Variants in ELMO1 observed in about 807,000 individuals in gnomAD.
ELMO1 encodes engulfment and cell motility protein 1.
Under a neutral mutation model 98.9 loss-of-function variants are expected in ELMO1, and 26 were observed. That is an observed-to-expected ratio of 0.26 (90% CI 0.19 to 0.36). ELMO1 has a LOEUF of 0.36. Among genes scored for constraint, ELMO1 ranks in the 10% least tolerant of loss-of-function variants. The pLI is 1.00. For synonymous variants in ELMO1, 346 were observed against 346.0 expected, an observed-to-expected ratio of 1.00 and a Z score of 0.00; for missense variants, 627 against 935.2, an observed-to-expected ratio of 0.67 and a Z score of 4.30.
intron 1 of ELMO1, among the ~76,000 whole-genome samples, chr7:37,354,585 A>G (rs1195604852): frequency 6.6e-6 from 1 of 152,120 alleles, no homozygotes; most frequent in Non-Finnish European, 1.5e-5. Context: ...AAAGTTCATC[A>G]TTTTGCAAAC....
chr7:37,201,880 G>C (rs1792318732), intron 13 of ELMO1, among the ~76,000 whole-genome samples: 1 of 152,232 alleles, frequency 6.6e-6, no homozygotes, highest in Non-Finnish European at 1.5e-5. Flanking sequence ...GGAAAAGAGA[G>C]AGTCCGGTCT....
chr7:37,198,174 C>G (rs1465806182), intron 13 of ELMO1, among the ~76,000 whole-genome samples: 2 of 152,164 alleles, frequency 1.3e-5, no homozygotes, highest in Admixed American at 1.3e-4. Flanking sequence ...TATAAAAGTC[C>G]TGCACTGCTA....
chr7:37,222,596 C>T lies in ELMO1; in HGVS notation c.780+19G>A, dbSNP rs1261625660. On this transcript the variant is annotated intron_variant, in intron 10 of 21. Coordinates refer to ENST00000310758, the MANE Select transcript of ELMO1 (RefSeq NM_014800.11). ...TCCTAGCCTTGACATAGCCATAAGA[C>T]TAAAGAAATGCAACTTACCTGCCTC... The T allele has an allele frequency of 6.2e-7, 1 of 1,612,650 alleles. No individual in the cohort carries two copies. The highest frequency in any genetic ancestry group is 8.5e-7 in the Non-Finnish European group (1 of 1,178,964).
intron 4 of ELMO1, among the ~76,000 whole-genome samples, chr7:37,297,864 T>C (rs1164063842): frequency 6.6e-6 from 1 of 152,230 alleles, no homozygotes; most frequent in African/African-American, 2.4e-5. Flanking sequence ...GGCTGCTATA[T>C]ATTAAGTCTA....
At chr7:37,066,747 G>T (rs1326556612) in intron 15 of ELMO1, among the ~76,000 whole-genome samples, 1 of 152,118 alleles carries the variant, frequency 6.6e-6, no homozygotes, top group Non-Finnish European at 1.5e-5. Context: ...TGTTCCCCAT[G>T]AATATGTACA....
intron 5 of ELMO1, among the ~76,000 whole-genome samples, 197 bp from the exon 6 acceptor site, chr7:37,259,547 G>C (rs1795873428): frequency 6.6e-6 from 1 of 152,186 alleles, no homozygotes; most frequent in African/African-American, 2.4e-5. Context: ...GTCTGCTCAT[G>C]TCACAACAGG....
intron 10 of ELMO1, among the ~76,000 whole-genome samples, chr7:37,220,663 T>A (rs553716530): frequency 6.6e-6 from 1 of 152,318 alleles, no homozygotes; most frequent in South Asian, 2.1e-4. Flanking sequence ...TCCATGGTCA[T>A]GAGAGTCCAA....
At chr7:36,898,883 C>A in intron 16 of ELMO1, among the ~76,000 whole-genome samples, 1 of 152,178 alleles carries the variant, frequency 6.6e-6, no homozygotes, top group East Asian at 1.9e-4. Flanking sequence ...CAAGGGAAGA[C>A]GCGATGTCAC....
chr7:37,217,394 A>C (rs1793348313), intron 10 of ELMO1, among the ~76,000 whole-genome samples: 1 of 152,194 alleles, frequency 6.6e-6, no homozygotes. Flanking sequence ...TAGTATATCA[A>C]GCATAGTCTT....
At chr7:36,937,964 T>C (rs2129091481) in intron 16 of ELMO1, among the ~76,000 whole-genome samples, 1 of 152,342 alleles carries the variant, frequency 6.6e-6, no homozygotes, top group South Asian at 2.1e-4. Context: ...TTCTAGAAGC[T>C]GCAAATAATG....
intron 14 of ELMO1, among the ~76,000 whole-genome samples, chr7:37,132,094 T>C (rs1166673920): frequency 6.6e-6 from 1 of 152,018 alleles, no homozygotes; most frequent in Non-Finnish European, 1.5e-5. Context: ...CTAAGAACCA[T>C]CAAGTCTCTC....
At chr7:37,446,438 G>C in intron 1 of ELMO1, among the ~76,000 whole-genome samples, 1 of 152,192 alleles carries the variant, frequency 6.6e-6, no homozygotes, top group Non-Finnish European at 1.5e-5. Flanking sequence ...GGTAGCCAGG[G>C]AAGGCCCCCT....
At chr7:37,221,663 G>T (rs911568021) in intron 10 of ELMO1, among the ~76,000 whole-genome samples, 2 of 151,996 alleles carry the variant, frequency 1.3e-5, no homozygotes, top group African/African-American at 4.8e-5. Context: ...TCAGAGGAAA[G>T]GTTCCATGTA....
At chr7:36,954,096 C>T (rs1788238831) in intron 16 of ELMO1, among the ~76,000 whole-genome samples, 1 of 152,144 alleles carries the variant, frequency 6.6e-6, no homozygotes, top group South Asian at 2.1e-4. Context: ...CTCAGAAGAG[C>T]ATCTACATAC....
chr7:36,975,510 T>C (rs886118459), intron 16 of ELMO1, among the ~76,000 whole-genome samples: 5 of 151,794 alleles, frequency 3.3e-5, no homozygotes, highest in Non-Finnish European at 5.9e-5. Flanking sequence ...TTGAAATAGT[T>C]TCAAAGAATA....
intron 13 of ELMO1, among the ~76,000 whole-genome samples, chr7:37,162,316 G>T (rs1789280924): frequency 6.6e-6 from 1 of 152,050 alleles, no homozygotes; most frequent in African/African-American, 2.4e-5. Flanking sequence ...CTGCCTCGTG[G>T]GGCACCACTG....
intron 16 of ELMO1, among the ~76,000 whole-genome samples, chr7:36,944,122 C>G (rs1787279281): frequency 1.3e-5 from 2 of 152,176 alleles, no homozygotes; most frequent in African/African-American, 4.8e-5. Flanking sequence ...TAGAACGTTA[C>G]ATAGATTAAC....
At chr7:36,965,286 T>A (rs1789319902) in intron 16 of ELMO1, among the ~76,000 whole-genome samples, 1 of 152,182 alleles carries the variant, frequency 6.6e-6, no homozygotes. Flanking sequence ...TCCTCACTAC[T>A]GCAGCCCAGT....
At chr7:37,169,122 G>A (rs569042969) in intron 13 of ELMO1, among the ~76,000 whole-genome samples, 4 of 152,224 alleles carry the variant, frequency 2.6e-5, no homozygotes, top group South Asian at 4.2e-4. Flanking sequence ...GCGAGACTCC[G>A]TGGGTGTAGG....
Sources: allele counts gnomAD v4.1 joint callset (sites outside exome capture counted in the v4.1 genomes callset), GRCh38; gene constraint gnomAD v4.1.1; transcripts MANE v1.5; gene names NCBI Gene and HGNC (gene_info 2026-07-23, HGNC 2026-07-21).